ROBO2: variants seen among roughly 807,000 people sequenced by gnomAD.
The protein encoded by ROBO2 is roundabout guidance receptor 2, also known as roundabout homolog 2.
In ROBO2, 53 loss-of-function variants were observed where a neutral mutation model predicts 160.8. That is an observed-to-expected ratio of 0.33 (90% CI 0.26 to 0.41). The LOEUF (loss-of-function observed/expected upper bound fraction) is 0.41, where lower values mean the gene tolerates loss of function less well. Among genes scored for constraint, ROBO2 ranks in the 10% least tolerant of loss-of-function variants. The pLI is 1.00. For synonymous variants in ROBO2, 664 were observed against 611.7 expected, an observed-to-expected ratio of 1.09 and a Z score of -1.26; for missense variants, 1,577 against 1,722.4, an observed-to-expected ratio of 0.92 and a Z score of 1.49.
At chr3:77,352,994 G>A (rs75356191) in intron 2 of ROBO2, among the ~76,000 whole-genome samples, 3,469 of 152,212 alleles carry the variant, frequency 0.023, 162 homozygotes, top group African/African-American at 0.078. Flanking sequence ...ACCTGTGTTT[G>A]ATTGAATCTC....
chr3:76,469,548 G>A (rs1305064924), intron 2 of ROBO2, among the ~76,000 whole-genome samples: 3 of 151,950 alleles, frequency 2.0e-5, no homozygotes, highest in Non-Finnish European at 4.4e-5. Flanking sequence ...AACGCATACT[G>A]TCCCCCCACA....
intron 2 of ROBO2, among the ~76,000 whole-genome samples, chr3:76,324,194 G>A (rs2072818590): frequency 6.6e-6 from 1 of 152,056 alleles, no homozygotes; most frequent in East Asian, 1.9e-4. Context: ...GTTACTCATG[G>A]GAGTACTTTG....
intron 2 of ROBO2, among the ~76,000 whole-genome samples, chr3:76,770,306 T>G (rs2061813067): frequency 6.6e-6 from 1 of 151,324 alleles, no homozygotes; most frequent in South Asian, 2.1e-4. Flanking sequence ...CTCTCTCCTT[T>G]TTTCATCATA....
intron 2 of ROBO2, among the ~76,000 whole-genome samples, chr3:75,979,754 C>A (rs2065227398): frequency 6.6e-6 from 1 of 151,584 alleles, no homozygotes; most frequent in South Asian, 2.1e-4. Context: ...ACCTTTATTT[C>A]TTCTAAGCCT....
chr3:77,644,885 A>AGCC (rs1189902510), exon 25 of ROBO2: 3 of 1,614,154 alleles, frequency 1.9e-6, no homozygotes, highest in Admixed American at 1.7e-5. Flanking sequence ...ACAGTCAAGG[A>AGCC]CAGTTTACAG....
chr3:77,432,805 C>T (rs146937140), intron 2 of ROBO2, among the ~76,000 whole-genome samples: 36 of 152,240 alleles, frequency 2.4e-4, no homozygotes, highest in South Asian at 1.0e-3. Flanking sequence ...CTACCCTAGT[C>T]GACCCGTATG....
At chr3:77,393,990 A>G (rs1270868617) in intron 2 of ROBO2, among the ~76,000 whole-genome samples, 2 of 152,182 alleles carry the variant, frequency 1.3e-5, no homozygotes, top group Non-Finnish European at 2.9e-5. Flanking sequence ...AACAGTGGCA[A>G]CAGATTTTGT....
chr3:76,836,867 G>A lies in ROBO2; in HGVS notation c.110-261147G>A, dbSNP rs550425892. Among the ~76,000 whole-genome samples, 256 of 151,868 alleles carry A rather than the reference G, an allele frequency of 1.7e-3. 1 individual carries two copies. Among genetic ancestry groups the A allele is most frequent in the African/African-American group, 5.7e-3 (237 of 41,488 alleles). On this transcript the variant is annotated intron_variant, in intron 2 of 26. Coordinates refer to the ROBO2 transcript ENST00000487694. ...AATATGTATTCTTCTGCTGTTGGGT[G>A]GAGTGTTCTGCAAATATCAATTAGG...
chr3:77,118,010 C>T (rs932668772), intron 2 of ROBO2, among the ~76,000 whole-genome samples: 1 of 152,216 alleles, frequency 6.6e-6, no homozygotes, highest in South Asian at 2.1e-4. Context: ...TTCACTAATA[C>T]ACCAGTGCTA....
At chr3:76,640,391 C>T (rs1017301130) in intron 2 of ROBO2, among the ~76,000 whole-genome samples, 21 of 151,960 alleles carry the variant, frequency 1.4e-4, no homozygotes, top group Admixed American at 1.4e-3. Flanking sequence ...ATTAGTCAGG[C>T]GTGGTGGCAG....
chr3:76,236,957 T>C lies in ROBO2; in HGVS notation c.109+299355T>C, dbSNP rs560417049. Among the ~76,000 whole-genome samples, 10 of 152,244 alleles carry C rather than the reference T, an allele frequency of 6.6e-5. No homozygotes were observed. In the South Asian group the frequency reaches 1.9e-3, roughly 28 times the overall value. On this transcript the variant is annotated intron_variant, in intron 2 of 26. Transcript: ENST00000487694. The stretch of plus-strand genomic sequence containing the variant: ...TATATGTAACATTTTATGAGTTAAA[T>C]TACCAAAGCTAATTTCTTAGTTGTT...
intron 2 of ROBO2, among the ~76,000 whole-genome samples, chr3:76,102,679 G>A (rs556389825): frequency 4.6e-5 from 7 of 152,280 alleles, no homozygotes; most frequent in African/African-American, 1.4e-4. Context: ...ATTTATTTTG[G>A]TAGAAGGGAT....
chr3:77,048,798 A>G (rs574551088), intron 1 of ROBO2, among the ~76,000 whole-genome samples: 12 of 152,334 alleles, frequency 7.9e-5, no homozygotes, highest in Non-Finnish European at 1.5e-4. Context: ...GCCTGAATAA[A>G]ACAATATCAT....
intron 2 of ROBO2, among the ~76,000 whole-genome samples, chr3:77,006,358 G>C (rs1256301964): frequency 6.9e-6 from 1 of 145,812 alleles, no homozygotes; most frequent in African/African-American, 2.6e-5. Context: ...AAAGCTGTCT[G>C]ATTTAGAAAT....
intron 2 of ROBO2, among the ~76,000 whole-genome samples, chr3:76,740,610 T>C (rs1375822155): frequency 6.6e-6 from 1 of 152,176 alleles, no homozygotes; most frequent in Non-Finnish European, 1.5e-5. Flanking sequence ...TGATGACTAA[T>C]GGATGTTAAT....
chr3:76,425,072 C>T (rs2076155889), intron 2 of ROBO2, among the ~76,000 whole-genome samples: 2 of 152,132 alleles, frequency 1.3e-5, no homozygotes, highest in Admixed American at 6.6e-5. Context: ...AATTCACTCT[C>T]ATCCTTCTGA....
At chr3:77,482,294 C>T (rs2084799572) in intron 4 of ROBO2, among the ~76,000 whole-genome samples, 1 of 152,158 alleles carries the variant, frequency 6.6e-6, no homozygotes, top group Non-Finnish European at 1.5e-5. Context: ...TCAGGACACA[C>T]CCAAGTGTGG....
chr3:76,042,858 T>C (rs778443440), intron 2 of ROBO2, among the ~76,000 whole-genome samples: 9 of 152,050 alleles, frequency 5.9e-5, no homozygotes, highest in Middle Eastern at 3.2e-3. Context: ...CTCAAATCAA[T>C]CACGACCCTT....
chr3:76,205,299 A>C (rs1575862736), intron 2 of ROBO2, among the ~76,000 whole-genome samples: 2 of 152,208 alleles, frequency 1.3e-5, no homozygotes, highest in South Asian at 4.1e-4. Context: ...TTCAAATAAG[A>C]GGAGTAGATT....
Sources: allele counts gnomAD v4.1 joint callset (sites outside exome capture counted in the v4.1 genomes callset), GRCh38; gene constraint gnomAD v4.1.1; transcripts MANE v1.5; gene names NCBI Gene and HGNC (gene_info 2026-07-23, HGNC 2026-07-21).